The following GALNTL6 variants were observed in gnomAD, a reference collection of about 807,000 sequenced individuals.
GALNTL6 encodes polypeptide N-acetylgalactosaminyltransferase like 6, also known as polypeptide N-acetylgalactosaminyltransferase-like 6.
In GALNTL6, 46 loss-of-function variants were observed where a neutral mutation model predicts 73.7. The observed-to-expected ratio is 0.62, with a 90% CI of 0.49 to 0.80. The LOEUF is 0.80. Among genes scored for constraint, GALNTL6 ranks in the 30% least tolerant of loss-of-function variants. The pLI, the probability that GALNTL6 is intolerant of heterozygous loss-of-function variation, is 0.00. For synonymous variants in GALNTL6, 259 were observed against 263.7 expected (o/e 0.98, Z 0.17); for missense variants, 604 against 755.0 (o/e 0.80, Z 2.34).
At chr4:172,865,068 C>A (rs552680670) in intron 7 of GALNTL6, among the ~76,000 whole-genome samples, 222 of 152,164 alleles carry the variant, frequency 1.5e-3, no homozygotes, top group African/African-American at 5.2e-3. Flanking sequence ...ATAACCTTTA[C>A]AATATTTTTT....
At chr4:172,858,466 T>C (rs900801552) in intron 7 of GALNTL6, among the ~76,000 whole-genome samples, 3 of 152,168 alleles carry the variant, frequency 2.0e-5, no homozygotes, top group Non-Finnish European at 4.4e-5. Context: ...TATGATATCA[T>C]TTGAGCAGAA....
chr4:172,360,654 AT>A (rs1742329634), intron 5 of GALNTL6, among the ~76,000 whole-genome samples: 1 of 151,714 alleles, frequency 6.6e-6, no homozygotes, highest in Non-Finnish European at 1.5e-5. Context: ...TCTATGTAGG[AT>A]GAGAAAAGAG....
intron 5 of GALNTL6, among the ~76,000 whole-genome samples, chr4:172,730,618 T>G (rs1436445836): frequency 2.0e-5 from 3 of 152,216 alleles, no homozygotes; most frequent in Non-Finnish European, 4.4e-5. Context: ...TTGTTGCATT[T>G]GGTTTGCTGG....
chr4:172,489,324 A>G (rs1415331020), intron 5 of GALNTL6, among the ~76,000 whole-genome samples: 2 of 152,226 alleles, frequency 1.3e-5, no homozygotes, highest in African/African-American at 2.4e-5. Flanking sequence ...TAGCAAACCC[A>G]TAAACAAATA....
At position 172,040,464 on chromosome 4, in the gene GALNTL6, A is replaced by T. The variant is rs781627762; in HGVS notation, c.139-189192A>T. ...TTCATAGCATATGTTCCTTTTTTAA[A>T]CATCATGTAACAGAGTTACCCTCTT... On this transcript the variant is annotated intron_variant, in intron 2 of 12. Coordinates refer to ENST00000506823, the MANE Select transcript of GALNTL6 (RefSeq NM_001034845.3). 2.0e-5 allele frequency among the ~76,000 whole-genome samples: 3 copies of T among 151,968 alleles called. No homozygotes were observed. The South Asian group carries it at 6.2e-4, about 31-fold the overall frequency.
At chr4:172,291,490 A>G (rs546004737) in intron 3 of GALNTL6, among the ~76,000 whole-genome samples, 6 of 152,286 alleles carry the variant, frequency 3.9e-5, no homozygotes, top group Admixed American at 1.3e-4. Context: ...GTATGATACT[A>G]AAAAATCATA....
chr4:172,845,298 T>TA (rs908133457), intron 7 of GALNTL6, among the ~76,000 whole-genome samples: 2 of 151,800 alleles, frequency 1.3e-5, no homozygotes, highest in African/African-American at 2.4e-5. Context: ...ATCAATTGCG[T>TA]AAAAAACTCC....
At chr4:172,327,045 G>T (rs1396202823) in intron 4 of GALNTL6, among the ~76,000 whole-genome samples, 1 of 151,620 alleles carries the variant, frequency 6.6e-6, no homozygotes, top group East Asian at 1.9e-4. Flanking sequence ...TATCATTTTT[G>T]CTATAAGCTA....
intron 5 of GALNTL6, among the ~76,000 whole-genome samples, chr4:172,736,750 G>A (rs548020001): frequency 1.3e-5 from 2 of 152,328 alleles, no homozygotes; most frequent in Admixed American, 1.3e-4. Flanking sequence ...ACTAATAAAT[G>A]TCCTTGAAAT....
intron 2 of GALNTL6, among the ~76,000 whole-genome samples, chr4:172,143,845 C>CT (rs1311643362): frequency 6.6e-6 from 1 of 152,048 alleles, no homozygotes; most frequent in Non-Finnish European, 1.5e-5. Context: ...ATCTTATCTT[C>CT]TTTTTTTCCC....
At chr4:171,874,668 C>T (rs529390661) in intron 2 of GALNTL6, among the ~76,000 whole-genome samples, 31 of 152,210 alleles carry the variant, frequency 2.0e-4, no homozygotes, top group Non-Finnish European at 2.8e-4. Context: ...ACACTTGCAG[C>T]GGAAGTATTG....
chr4:172,756,236 T>C (rs1306001017), intron 5 of GALNTL6, among the ~76,000 whole-genome samples: 1 of 152,198 alleles, frequency 6.6e-6, no homozygotes, highest in Non-Finnish European at 1.5e-5. Context: ...AAGTTCATGG[T>C]TTACCAAAAG....
At chr4:172,114,019 T>A (rs900299515) in intron 2 of GALNTL6, among the ~76,000 whole-genome samples, 1 of 152,088 alleles carries the variant, frequency 6.6e-6, no homozygotes, top group Non-Finnish European at 1.5e-5. Context: ...GAAAACAGCA[T>A]AATTGAAGAT....
At chr4:172,204,563 A>C (rs1736050624) in intron 2 of GALNTL6, among the ~76,000 whole-genome samples, 1 of 152,210 alleles carries the variant, frequency 6.6e-6, no homozygotes, top group African/African-American at 2.4e-5. Context: ...TATTTTTAAT[A>C]ATATTGTGTA....
chr4:171,881,754 T>C (rs1736457949), intron 2 of GALNTL6, among the ~76,000 whole-genome samples: 1 of 152,240 alleles, frequency 6.6e-6, no homozygotes, highest in South Asian at 2.1e-4. Flanking sequence ...TTACTAAACT[T>C]AGTAGTGGTC....
chr4:172,051,906 A>G (rs986309561), intron 2 of GALNTL6, among the ~76,000 whole-genome samples: 2 of 152,284 alleles, frequency 1.3e-5, no homozygotes, highest in Non-Finnish European at 2.9e-5. Flanking sequence ...GCTTTGGGCC[A>G]AAGGGTGTAT....
intron 2 of GALNTL6, among the ~76,000 whole-genome samples, chr4:172,148,906 T>C (rs1733994250): frequency 6.6e-6 from 1 of 152,218 alleles, no homozygotes; most frequent in African/African-American, 2.4e-5. Flanking sequence ...GAGGTTGTTA[T>C]AGTAGATGTT....
intron 5 of GALNTL6, among the ~76,000 whole-genome samples, chr4:172,354,044 C>G (rs752342236): frequency 6.6e-6 from 1 of 151,820 alleles, no homozygotes; most frequent in African/African-American, 2.4e-5. Context: ...GTTGTAAAAC[C>G]GAAGAAGAAT....
chr4:171,910,358 G>A (rs572018392), intron 2 of GALNTL6, among the ~76,000 whole-genome samples: 6 of 151,940 alleles, frequency 3.9e-5, no homozygotes, highest in African/African-American at 1.4e-4. Context: ...GTAGAATCAG[G>A]CAAACAGATT....
Sources: gnomAD v4.1 joint callset for allele counts (sites outside exome capture counted in the v4.1 genomes callset) on GRCh38, gnomAD v4.1.1 for gene constraint, MANE v1.5 for transcripts, NCBI Gene and HGNC (gene_info 2026-07-23, HGNC 2026-07-21) for gene names.